MYO1E: variants seen among roughly 807,000 people sequenced by gnomAD.
MYO1E encodes the protein myosin IE.
MYO1E carries 68 observed loss-of-function variants against 151.1 expected under a neutral mutation model. The ratio of observed to expected loss-of-function variants is 0.45; its 90% CI spans 0.37 to 0.55. The LOEUF is 0.55. Among genes scored for constraint, MYO1E ranks in the 20% least tolerant of loss-of-function variants. MYO1E has a pLI of 0.00. For missense variants in MYO1E, 1,363 were observed against 1,389.3 expected (o/e 0.98, Z 0.30); for synonymous variants, 601 against 501.7 (o/e 1.20, Z -2.64).
intron 1 of MYO1E, among the ~76,000 whole-genome samples, chr15:59,323,520 G>A (rs888344310): frequency 5.9e-5 from 9 of 151,922 alleles, no homozygotes; most frequent in African/African-American, 1.5e-4. Context: ...GCCAGGCACG[G>A]TGGTGGGCGC....
intron 4 of MYO1E, among the ~76,000 whole-genome samples, chr15:59,253,889 A>G (rs933880234): frequency 7.3e-6 from 1 of 137,544 alleles, no homozygotes; most frequent in Non-Finnish European, 1.6e-5. Context: ...TAAGATCTAC[A>G]GGACAAACAA....
In MYO1E at chr15:59,246,871, TTC is replaced by T. The variant is rs148254770; in HGVS notation, c.332+9411_332+9412del. On this transcript the variant is annotated intron_variant, in intron 4 of 27. Coordinates refer to ENST00000288235, the MANE Select transcript of MYO1E (RefSeq NM_004998.4). ...CTAATGTGTCAATAAGGTCATGTTCTTCTGTTAACTAAGTCTGTGCGTCATTT... is the reference window on the plus strand; with the variant it reads ...CTAATGTGTCAATAAGGTCATGTTCTTGTTAACTAAGTCTGTGCGTCATTT... Among the ~76,000 whole-genome samples the T allele has an allele frequency of 4.9e-3, 747 of 152,314 alleles. 8 individuals are homozygous for T. The highest frequency in any genetic ancestry group is 0.017 in the African/African-American group (718 of 41,548).
chr15:59,277,406 A>G (rs551364329), intron 1 of MYO1E, among the ~76,000 whole-genome samples: 25 of 152,016 alleles, frequency 1.6e-4, no homozygotes, highest in Non-Finnish European at 3.4e-4. Flanking sequence ...TTAGCTGGGC[A>G]TGGTGGCATG....
intron 1 of MYO1E, among the ~76,000 whole-genome samples, chr15:59,335,358 G>A (rs747643032): frequency 2.0e-5 from 3 of 152,160 alleles, no homozygotes; most frequent in African/African-American, 4.8e-5. Flanking sequence ...GCTGGCAAGC[G>A]CAGGCTGCTA....
chr15:59,313,424 T>G (rs997870165), intron 1 of MYO1E, among the ~76,000 whole-genome samples: 2 of 152,196 alleles, frequency 1.3e-5, no homozygotes, highest in Admixed American at 1.3e-4. Flanking sequence ...TCTTCTGTAC[T>G]AACGATAAAG....
intron 2 of MYO1E, among the ~76,000 whole-genome samples, chr15:59,267,205 T>C (rs1024342261): frequency 1.6e-4 from 5 of 30,740 alleles, no homozygotes; most frequent in African/African-American, 4.7e-4. Flanking sequence ...TTTGTATTTA[T>C]AGTAGAGACG....
At chr15:59,184,900 C>T (rs2079686319) in intron 18 of MYO1E, among the ~76,000 whole-genome samples, 1 of 152,170 alleles carries the variant, frequency 6.6e-6, no homozygotes, top group African/African-American at 2.4e-5. Flanking sequence ...ATTTACATTC[C>T]CACCAACAGC....
chr15:59,296,272 T>C (rs2080447708), intron 1 of MYO1E, among the ~76,000 whole-genome samples: 1 of 152,226 alleles, frequency 6.6e-6, no homozygotes, highest in African/African-American at 2.4e-5. Context: ...GCTTCCTGTT[T>C]TCTATGCTGG....
At position 59,195,261 on chromosome 15, in the gene MYO1E, T is replaced by G. The variant is rs549637300; in HGVS notation, c.1805+200A>C. Among the ~76,000 whole-genome samples, 3 of 152,182 alleles carry G rather than the reference T, an allele frequency of 2.0e-5. No homozygotes were observed. The South Asian group carries it at 6.2e-4, about 31-fold the overall frequency. ...ACATTATAAACTGCTAATGCTGAAA[T>G]GAATGGCACTGCTAACATTTTAGCA... On this transcript the variant is annotated intron_variant, in intron 17 of 27. Transcript: ENST00000288235.
rs775371878 is a variant in MYO1E, at chr15:59,136,479, C to T, written c.*901G>A. 4.7e-5 allele frequency: 14 copies of T among 295,850 alleles called. No individual in the cohort carries two copies. Among genetic ancestry groups the T allele is most frequent in the East Asian group, 1.6e-4 (2 of 12,416 alleles). The allele number at this position is 295,850 out of a possible 1,614,324, so 18.3% of individuals were successfully genotyped here. ...ACTGACCTAGAAAGCAGTGACACTC[C>T]GTAGTTGGAAAAAAGCAGAGCACAT... On this transcript the variant is annotated 3_prime_UTR_variant, in exon 28 of 28. Coordinates refer to ENST00000288235, the MANE Select transcript of MYO1E (RefSeq NM_004998.4).
chr15:59,257,726 G>A (rs2080201902), intron 3 of MYO1E, among the ~76,000 whole-genome samples: 2 of 152,164 alleles, frequency 1.3e-5, no homozygotes, highest in Non-Finnish European at 2.9e-5. Flanking sequence ...CTCATAGGGG[G>A]AGCTACCCAG....
intron 25 of MYO1E, 56 bp downstream of exon 25, chr15:59,158,224 CATATTTT>C: frequency 7.3e-7 from 1 of 1,376,764 alleles, no homozygotes; most frequent in Non-Finnish European, 1.0e-6. Context: ...TCTTCCCAAA[CATATTTT>C]ATAAGTTATG....
At position 59,236,785 on chromosome 15, in the gene MYO1E, G is replaced by A. The variant is rs939934707; in HGVS notation, c.333-113C>T. 1.7e-5 allele frequency: 18 copies of A among 1,057,466 alleles called. No homozygotes were observed. The African/African-American group carries it at 2.7e-4, about 16-fold the overall frequency. 65.5% of individuals were successfully genotyped at this position (1,057,466 alleles called of 1,614,324 possible). ...ACAAACAAAAAAACAAAAAAAACAG[G>A]CAGAAAAGAATTTTTTTTTTTAAGT... On this transcript the variant is annotated intron_variant, in intron 4 of 27. Coordinates refer to ENST00000288235, the MANE Select transcript of MYO1E (RefSeq NM_004998.4).
intron 1 of MYO1E, among the ~76,000 whole-genome samples, chr15:59,355,392 T>C (rs1224221324): frequency 6.6e-6 from 1 of 152,172 alleles, no homozygotes; most frequent in African/African-American, 2.4e-5. Context: ...TTCCAGATAC[T>C]ACAGGTTACC....
In MYO1E at chr15:59,163,358, A is replaced by G. The variant is rs1476925636; in HGVS notation, c.2481-55T>C. On this transcript the variant is annotated intron_variant, in intron 22 of 27. Coordinates refer to ENST00000288235, the MANE Select transcript of MYO1E (RefSeq NM_004998.4). ...TGAAAGCTGTGCTTCTGTTTACTCTATTGTTTTTTTTTTCTTCCATTTTAA... is the reference window on the plus strand; with the variant it reads ...TGAAAGCTGTGCTTCTGTTTACTCTGTTGTTTTTTTTTTCTTCCATTTTAA... 48 of 1,546,306 alleles carry G rather than the reference A, an allele frequency of 3.1e-5. No individual in the cohort carries two copies. The East Asian group carries it at 4.7e-4, about 15-fold the overall frequency.
intron 26 of MYO1E, among the ~76,000 whole-genome samples, chr15:59,147,551 C>A (rs576850699): frequency 8.3e-6 from 1 of 120,154 alleles, no homozygotes; most frequent in African/African-American, 3.1e-5. Flanking sequence ...GAGCCAGGAT[C>A]GCGCCATTGC....
At chr15:59,177,922 C>T in intron 19 of MYO1E, among the ~76,000 whole-genome samples, 1 of 152,248 alleles carries the variant, frequency 6.6e-6, no homozygotes, top group East Asian at 1.9e-4. Context: ...GCTGCACCTT[C>T]CAGGAGGAAT....
At chr15:59,319,801 G>A (rs1335202085) in intron 1 of MYO1E, among the ~76,000 whole-genome samples, 1 of 151,954 alleles carries the variant, frequency 6.6e-6, no homozygotes, top group African/African-American at 2.4e-5. Context: ...TACTCAGGAG[G>A]TTGAGGCAGG....
At chr15:59,240,838 C>T (rs1207353337) in intron 4 of MYO1E, among the ~76,000 whole-genome samples, 1 of 152,176 alleles carries the variant, frequency 6.6e-6, no homozygotes, top group Non-Finnish European at 1.5e-5. Flanking sequence ...AAAATGATGT[C>T]TACTTTTGTT....
Sources: allele counts gnomAD v4.1 joint callset (sites outside exome capture counted in the v4.1 genomes callset), GRCh38; gene constraint gnomAD v4.1.1; transcripts MANE v1.5; gene names NCBI Gene and HGNC (gene_info 2026-07-23, HGNC 2026-07-21).